DDO: variants seen among roughly 807,000 people sequenced by gnomAD.
DDO encodes the protein D-aspartate oxidase, DDO.
Under a neutral mutation model 16.8 loss-of-function variants are expected in DDO, and 16 were observed. That is an observed-to-expected ratio of 0.95 (90% confidence interval 0.65 to 1.45). The LOEUF is 1.45. Among genes scored for constraint, DDO ranks in the 40% most tolerant of loss-of-function variants. DDO has a pLI of 0.00. For synonymous variants in DDO, 180 were observed against 167.2 expected, an observed-to-expected ratio of 1.08 and a Z score of -0.59; for missense variants, 429 against 420.3, an observed-to-expected ratio of 1.02 and a Z score of -0.18.
At chr6:110,388,609 C>A (rs1773053147), downstream of DDO, among the ~76,000 whole-genome samples, 2 of 151,584 alleles carry the variant, frequency 1.3e-5, no homozygotes, top group South Asian at 4.2e-4. Flanking sequence ...TCTTCCTAAG[C>A]AAATAAAATC....
At position 110,392,857 on chromosome 6, in the gene DDO, C is replaced by A. The variant is rs761024210; in HGVS notation, c.944G>T (p.Trp315Leu). ...CCTGGCGGCCTCCAGAGCAGTGCCCCAGTGCACTGAGATGCCCCCACTCCC... is the reference window on the plus strand; with the variant it reads ...CCTGGCGGCCTCCAGAGCAGTGCCCAAGTGCACTGAGATGCCCCCACTCCC... ...GHGSGGISVH[W>L]GTALEAARLV... The change falls in exon 5 of 5, where the codon TGG becomes TTG. Residue 315 changes from tryptophan to leucine, a missense_variant. Transcript: ENST00000368924. The A allele has an allele frequency of 6.2e-7, 1 of 1,614,040 alleles. No individual in the cohort carries two copies. Among genetic ancestry groups the A allele is most frequent in the Admixed American group, 1.7e-5 (1 of 60,028 alleles).
At chr6:110,409,856 A>G (rs1773790233) in intron 2 of DDO, among the ~76,000 whole-genome samples, 1 of 152,244 alleles carries the variant, frequency 6.6e-6, no homozygotes, top group African/African-American at 2.4e-5. Context: ...TGAGATTCAC[A>G]TGCTGCAGAA....
At chr6:110,403,470 C>T (rs1169630518) in intron 4 of DDO, among the ~76,000 whole-genome samples, 1 of 152,120 alleles carries the variant, frequency 6.6e-6, no homozygotes, top group African/African-American at 2.4e-5. Flanking sequence ...CATGTGATAG[C>T]TCAAAATATA....
At chr6:110,396,400 C>T (rs935788866) in intron 4 of DDO, among the ~76,000 whole-genome samples, 1 of 152,202 alleles carries the variant, frequency 6.6e-6, no homozygotes, top group Non-Finnish European at 1.5e-5. Flanking sequence ...GCAAGAAGAA[C>T]TCAGAGGCTA....
At chr6:110,389,616 T>C (rs558106339), downstream of DDO, among the ~76,000 whole-genome samples, 2 of 152,314 alleles carry the variant, frequency 1.3e-5, no homozygotes, top group South Asian at 4.1e-4. Context: ...GGGGACACTG[T>C]AGGCAAGTTA....
chr6:110,400,053 C>T (rs547176257), intron 4 of DDO, among the ~76,000 whole-genome samples: 124 of 152,316 alleles, frequency 8.1e-4, no homozygotes, highest in African/African-American at 2.9e-3. Flanking sequence ...AGCCCCAAGC[C>T]CCCTGGCTGG....
intron 4 of DDO, among the ~76,000 whole-genome samples, chr6:110,404,281 C>T (rs529963030): frequency 6.6e-6 from 1 of 152,166 alleles, no homozygotes; most frequent in South Asian, 2.1e-4. Context: ...TGGATAGGTC[C>T]TTAGTTTCAG....
At chr6:110,396,028 CAAAAAAGAAAGA>C (rs1433090992) in intron 4 of DDO, among the ~76,000 whole-genome samples, 3 of 152,000 alleles carry the variant, frequency 2.0e-5, no homozygotes, top group Non-Finnish European at 4.4e-5. Flanking sequence ...GACACCAACT[CAAAAAAGAAAGA>C]AAGAGAGAAA....
At chr6:110,393,444 C>A (rs1773184005) in intron 4 of DDO, 102 bp from the exon 5 acceptor site, 1 of 1,462,798 alleles carries the variant, frequency 6.8e-7, no homozygotes, top group Non-Finnish European at 9.0e-7. Flanking sequence ...AGGTGATGAT[C>A]TGATGAACAA....
downstream of DDO, chr6:110,388,833 C>T: frequency 1.0e-6 from 1 of 977,610 alleles, no homozygotes; most frequent in Non-Finnish European, 1.2e-6. Flanking sequence ...AAAAGATGTT[C>T]TGAAATAGAA....
At chr6:110,410,592 A>C (rs1198071514) in intron 2 of DDO, among the ~76,000 whole-genome samples, 1 of 152,206 alleles carries the variant, frequency 6.6e-6, no homozygotes, top group African/African-American at 2.4e-5. Flanking sequence ...ACATGGTGGC[A>C]GGAAGAGAAG....
In DDO at chr6:110,392,865, T is replaced by C. The variant is rs956616234; in HGVS notation, c.936A>G (p.Ser312=). The part of the protein sequence containing the change: ...HHYGHGSGGI[S]VHWGTALEAA... ...CCTCCAGAGCAGTGCCCCAGTGCAC[T>C]GAGATGCCCCCACTCCCATGGCCAT... The change falls in exon 5 of 5, where the codon TCA becomes TCG. Residue 312 remains serine, a synonymous_variant. Coordinates refer to ENST00000368924, the MANE Select transcript of DDO (RefSeq NM_001372108.2). 1 of 1,614,138 alleles carries C rather than the reference T, an allele frequency of 6.2e-7. No homozygotes were observed. Among genetic ancestry groups the C allele is most frequent in the Non-Finnish European group, 8.5e-7 (1 of 1,180,014 alleles).
Position 110,392,342 on chromosome 6 carries a change from T to A in DDO, c.*433A>T. 1 of 987,014 alleles carries A rather than the reference T, an allele frequency of 1.0e-6. No homozygotes were observed. Among genetic ancestry groups the A allele is most frequent in the African/African-American group, 1.7e-5 (1 of 57,392 alleles). The allele number at this position is 987,014 out of a possible 1,614,324, so 61.1% of individuals were successfully genotyped here. The stretch of plus-strand genomic sequence containing the variant: ...CAAATGATATCAAAATCTCTATAGC[T>A]TCCAACATTCATATAAATCTGCATA... On this transcript the variant is annotated 3_prime_UTR_variant, in exon 5 of 5. Transcript: ENST00000368924.
chr6:110,404,376 G>A (rs1382652166), intron 4 of DDO, among the ~76,000 whole-genome samples: 1 of 152,100 alleles, frequency 6.6e-6, no homozygotes, highest in Non-Finnish European at 1.5e-5. Context: ...TTTATAATAA[G>A]CAAAGATTCT....
intron 3 of DDO, among the ~76,000 whole-genome samples, chr6:110,406,923 A>T (rs936757996): frequency 1.3e-5 from 2 of 152,160 alleles, no homozygotes; most frequent in Non-Finnish European, 2.9e-5. Context: ...GAATTTGGTA[A>T]CTCATTTGAT....
At chr6:110,410,468 A>G (rs1195800753) in intron 2 of DDO, among the ~76,000 whole-genome samples, 1 of 152,222 alleles carries the variant, frequency 6.6e-6, no homozygotes, top group African/African-American at 2.4e-5. Context: ...GACATACCCG[A>G]GACAGGGTAA....
chr6:110,408,497 A>C, intron 2 of DDO, 55 bp from the exon 3 acceptor site: 1 of 1,508,206 alleles, frequency 6.6e-7, no homozygotes, highest in Non-Finnish European at 9.1e-7. Context: ...TGATAATGAC[A>C]GTGCTTCAAA....
Position 110,415,469 on chromosome 6 carries a change from G to A in DDO, c.-7C>T, listed in dbSNP as rs150599747. The A allele has an allele frequency of 9.3e-6, 15 of 1,614,154 alleles. No individual in the cohort carries two copies. The highest frequency in any genetic ancestry group is 4.0e-5 in the African/African-American group (3 of 75,058). On this transcript the variant is annotated splice_region_variant and 5_prime_UTR_variant, in exon 1 of 5. Transcript: ENST00000368924. ...GCTGAAAGCAAGAATTCAAGTACCT[G>A]TCTCTGAAAAAGCAGTCTTGGAAGC...
chr6:110,404,902 A>G lies in DDO; in HGVS notation c.330T>C (p.Ala110=). 4.3e-6 allele frequency: 7 copies of G among 1,614,250 alleles called. No individual in the cohort carries two copies. Among genetic ancestry groups the G allele is most frequent in the Non-Finnish European group, 5.9e-6 (7 of 1,180,036 alleles). Residue 110 remains alanine, a synonymous_variant, in exon 4 of 5, where the codon GCT becomes GCC. Transcript: ENST00000368924. ...STPTEEVPFW[A]DVVLGFRKMT... ...TCTTTCGAAATCCCAGAACCACGTC[A>G]GCCCAGAATGGCACTTCTTCAGTCG... is the stretch of plus-strand genomic sequence containing the variant.
Sources: gnomAD v4.1 joint callset for allele counts (sites outside exome capture counted in the v4.1 genomes callset) on GRCh38, gnomAD v4.1.1 for gene constraint, MANE v1.5 for transcripts, NCBI Gene and HGNC (gene_info 2026-07-23, HGNC 2026-07-21) for gene names.